Variants in CLEC4G observed in about 807,000 individuals in gnomAD.
CLEC4G encodes C-type lectin superfamily 4, member G.
Under a neutral mutation model 37.0 loss-of-function variants are expected in CLEC4G, and 34 were observed. The observed-to-expected ratio is 0.92, with a 90% CI of 0.70 to 1.22. The LOEUF is 1.22. Among genes scored for constraint, CLEC4G ranks in the 50% most tolerant of loss-of-function variants. The pLI is 0.00. For synonymous variants in CLEC4G, 167 were observed against 165.6 expected (o/e 1.01, Z -0.06); for missense variants, 390 against 392.9 (o/e 0.99, Z 0.06).
rs1201820357 is a variant in CLEC4G, at chr19:7,730,567, G to A, written c.389-127C>T. ...CGGTGCCAGCGTCCAGGATGGCACA[G>A]GGTCAAGGGCGGTTACAACTGGGCA... On this transcript the variant is annotated intron_variant, in intron 5 of 8. Coordinates refer to ENST00000328853, the MANE Select transcript of CLEC4G (RefSeq NM_198492.4). The surrounding 1 kb of genome is among the most constrained non-coding windows in gnomAD (Gnocchi z 7.3). 4.1e-6 allele frequency: 6 copies of A among 1,467,922 alleles called. No homozygotes were observed. Among genetic ancestry groups the A allele is most frequent in the Admixed American group, 2.4e-5 (1 of 41,364 alleles). 90.9% of individuals were successfully genotyped at this position (1,467,922 alleles called of 1,614,324 possible). A position where few individuals can be genotyped will look rare whatever the true frequency, so the allele number is the denominator to read the frequency against.
chr19:7,731,800 C>G (rs1437877954), intron 1 of CLEC4G, 29 bp from the exon 2 acceptor site: 1 of 1,601,304 alleles, frequency 6.2e-7, no homozygotes, highest in African/African-American at 1.3e-5. Flanking sequence ...CATGCTGGGT[C>G]CCCCAGAACT....
chr19:7,731,666 G>A lies in CLEC4G; in HGVS notation c.161C>T (p.Ser54Phe), dbSNP rs530697988. 17 of 1,614,004 alleles carry A rather than the reference G, an allele frequency of 1.1e-5. No individual in the cohort carries two copies. The highest frequency in any genetic ancestry group is 9.3e-5 in the African/African-American group (7 of 75,042). Residue 54 changes from serine to phenylalanine, a missense_variant, in exon 2 of 9, where the codon TCC becomes TTC. Physicochemically the swap from Ser to Phe is radical, Grantham distance 155. Transcript: ENST00000328853. Reference sequence around the variant, plus strand: ...CCCCATTGAGAGTCACTCACCCTTGGACAATAGGATACTCAGAATCACAGC... The same window carrying A: ...CCCCATTGAGAGTCACTCACCCTTGAACAATAGGATACTCAGAATCACAGC... ...LWAVILSILL[S>F]KASTERAALL...
In CLEC4G at chr19:7,732,082, G is replaced by C. The variant is rs764568278; in HGVS notation, c.21C>G (p.Ser7Arg). 1.9e-6 allele frequency: 3 copies of C among 1,609,694 alleles called. No individual in the cohort carries two copies. In the African/African-American group the frequency reaches 4.0e-5, roughly 22 times the overall value. MDTTRYSKWGGSSEEVP... is the reference protein window; with the variant it reads MDTTRYRKWGGSSEEVP... ...CCTCCTCGGAGCTGCCGCCCCACTT[G>C]CTGTACCTGGTGGTGTCCATGGCGA... Residue 7 changes from serine to arginine, a missense_variant, in exon 1 of 9, where the codon AGC (serine) becomes AGG (arginine). By Grantham distance (110) the Ser-to-Arg change is moderately radical (BLOSUM62 -1). Coordinates refer to ENST00000328853, the MANE Select transcript of CLEC4G (RefSeq NM_198492.4).
rs768629318 is a variant in CLEC4G, at chr19:7,730,328, C to T, written c.478+23G>A. ...GTCCGCTTACGCCCTCACAGCCCGC[C>T]CCCGACCCCCCGTCTCGCTCACTGT... On this transcript the variant is annotated intron_variant, in intron 6 of 8. Transcript: ENST00000328853. This position sits in a 1 kb window ranked among gnomAD's most constrained non-coding sequence, Gnocchi z 7.3. The T allele has an allele frequency of 9.4e-6, 14 of 1,492,438 alleles. No individual in the cohort carries two copies. The highest frequency in any genetic ancestry group is 1.2e-5 in the Non-Finnish European group (13 of 1,082,686). The allele number at this position is 1,492,438 out of a possible 1,614,324, so 92.4% of individuals were successfully genotyped here.
rs201565576 is a variant in CLEC4G, at chr19:7,729,520, G to A, written c.744-16C>T. 3.8e-6 allele frequency: 6 copies of A among 1,573,868 alleles called. No homozygotes were observed. Among genetic ancestry groups the A allele is most frequent in the Non-Finnish European group, 5.2e-6 (6 of 1,153,750 alleles). On this transcript the variant is annotated splice_polypyrimidine_tract_variant and intron_variant, in intron 8 of 8. Transcript: ENST00000328853. ...GTTCCAGTGGCTACAGGGGGGTTGAGTGGGGGTGTTGCTGGGAATCTAGAC... is the reference window on the plus strand; with the variant it reads ...GTTCCAGTGGCTACAGGGGGGTTGAATGGGGGTGTTGCTGGGAATCTAGAC...
In CLEC4G at chr19:7,729,898, C is replaced by A; in HGVS notation, c.666G>T (p.Trp222Cys). The change falls in exon 8 of 9, where the codon TGG becomes TGT. Residue 222 changes from tryptophan (W) to cysteine (C), a missense_variant. Physicochemically the swap from Trp to Cys is radical, Grantham distance 215. Coordinates refer to ENST00000328853, the MANE Select transcript of CLEC4G (RefSeq NM_198492.4). The part of the protein sequence containing the change: ...LTRNTRGRGY[W>C]LGLRAVRHLG... The stretch of plus-strand genomic sequence containing the variant: ...GATGGCGCACAGCCCTCAGGCCCAG[C>A]CAGTAACCACGGCCACGCGTGTTCC... 6.2e-7 allele frequency: 1 copy of A among 1,614,180 alleles called. No individual in the cohort carries two copies. The highest frequency in any genetic ancestry group is 8.5e-7 in the Non-Finnish European group (1 of 1,180,038).
chr19:7,731,826 G>C lies in CLEC4G; in HGVS notation c.56-55C>G, dbSNP rs1007256843. ...CCCCAGAACTGAGCCCTGGAGGCCT[G>C]AGTTACTCCCAGGAAACTGAGATTC... On this transcript the variant is annotated intron_variant, in intron 1 of 8. Coordinates refer to ENST00000328853, the MANE Select transcript of CLEC4G (RefSeq NM_198492.4). 8 of 1,573,932 alleles carry C rather than the reference G, an allele frequency of 5.1e-6. No individual in the cohort carries two copies. The African/African-American group carries it at 9.5e-5, about 19-fold the overall frequency.
rs35923627 is a variant in CLEC4G at position 7,729,101 on chromosome 19, CG to C, written c.*264del. On this transcript the variant is annotated 3_prime_UTR_variant, in exon 9 of 9. Transcript: ENST00000328853. ...TAGGGAGAGAAGTGGAGGCATATCA[CG>C]GGGACGCAGGAGCAGGGATTTTGGA... 3.3e-6 allele frequency: 2 copies of C among 598,546 alleles called. No homozygotes were observed. The highest frequency in any genetic ancestry group is 6.3e-6 in the Non-Finnish European group (2 of 316,856). 37.1% of individuals were successfully genotyped at this position (598,546 alleles called of 1,614,324 possible).
At chr19:7,729,695 G>C (rs747847527) in intron 8 of CLEC4G, 126 bp downstream of exon 8, 34 of 1,482,470 alleles carry the variant, frequency 2.3e-5, no homozygotes, top group Non-Finnish European at 2.9e-5. Context: ...ACAGTTCCTG[G>C]GGTCCAGCCT....
chr19:7,729,094 C>T lies in CLEC4G; in HGVS notation c.*272G>A, dbSNP rs1224589362. Reference sequence around the variant, plus strand: ...CCTTGGTTAGGGAGAGAAGTGGAGGCATATCACGGGGACGCAGGAGCAGGG... The same window carrying T: ...CCTTGGTTAGGGAGAGAAGTGGAGGTATATCACGGGGACGCAGGAGCAGGG... On this transcript the variant is annotated 3_prime_UTR_variant, in exon 9 of 9. Coordinates refer to ENST00000328853, the MANE Select transcript of CLEC4G (RefSeq NM_198492.4). 7 of 581,732 alleles carry T rather than the reference C, an allele frequency of 1.2e-5. No homozygotes were observed. The highest frequency in any genetic ancestry group is 4.4e-5 in the Admixed American group (2 of 44,998). 36.0% of individuals were successfully genotyped at this position (581,732 alleles called of 1,614,324 possible).
At position 7,730,662 on chromosome 19, in the gene CLEC4G, TGCATGATCGGGGTCGGGGGTCAGCAC is replaced by T; in HGVS notation, c.388+67_388+92del. 1 of 1,459,888 alleles carries T rather than the reference TGCATGATCGGGGTCGGGGGTCAGCAC, an allele frequency of 6.8e-7. No homozygotes were observed. The highest frequency in any genetic ancestry group is 9.0e-7 in the Non-Finnish European group (1 of 1,109,668). The allele number at this position is 1,459,888 out of a possible 1,614,324, so 90.4% of individuals were successfully genotyped here. On this transcript the variant is annotated intron_variant, in intron 5 of 8. Coordinates refer to ENST00000328853, the MANE Select transcript of CLEC4G (RefSeq NM_198492.4). The surrounding 1 kb of genome is among the most constrained non-coding windows in gnomAD (Gnocchi z 7.3). ...GTGCAGCGTCAGGGTCAGGACGGGG[TGCATGATCGGGGTCGGGGGTCAGCAC>T]TCAGGACGGGGTCGGGGTCGGGGGA... is the stretch of plus-strand genomic sequence containing the variant.
rs764486563 is a variant in CLEC4G at position 7,730,345 on chromosome 19, G to C, written c.478+6C>G. On this transcript the variant is annotated splice_donor_region_variant and intron_variant, in intron 6 of 8. Transcript: ENST00000328853. This position sits in a 1 kb window ranked among gnomAD's most constrained non-coding sequence, Gnocchi z 7.3. ...CAGCCCGCCCCCGACCCCCCGTCTC[G>C]CTCACTGTTCTGGAGCCTCACGGCC... The C allele has an allele frequency of 6.3e-7, 1 of 1,597,202 alleles. No homozygotes were observed. Among genetic ancestry groups the C allele is most frequent in the Admixed American group, 1.7e-5 (1 of 58,654 alleles).
Position 7,730,109 on chromosome 19 carries a change from G to A in CLEC4G, c.537C>T (p.Phe179=). ...CCGCCCACGTCGTCTTTGGCACAGA[G>A]AAAAAGTAGCAGGAGCCCTCGAAGG... ...WLSFEGSCYF[F]SVPKTTWAAA... is the part of the protein sequence containing the mutation. The change falls in exon 7 of 9, where the codon TTC becomes TTT. Residue 179 remains phenylalanine (F), a synonymous_variant. Coordinates refer to ENST00000328853, the MANE Select transcript of CLEC4G (RefSeq NM_198492.4). The surrounding 1 kb of genome is among the most constrained non-coding windows in gnomAD (Gnocchi z 7.3). The A allele has an allele frequency of 6.2e-7, 1 of 1,612,320 alleles. No individual in the cohort carries two copies. Among genetic ancestry groups the A allele is most frequent in the South Asian group, 1.1e-5 (1 of 90,924 alleles).
Position 7,730,832 on chromosome 19 carries a change from G to C in CLEC4G, c.311C>G (p.Thr104Ser), listed in dbSNP as rs763419088. 19 of 1,531,278 alleles carry C rather than the reference G, an allele frequency of 1.2e-5. No individual in the cohort carries two copies. The South Asian group carries it at 2.3e-4, about 18-fold the overall frequency. 94.9% of individuals were successfully genotyped at this position (1,531,278 alleles called of 1,614,324 possible). Residue 104 changes from threonine (T) to serine (S), a missense_variant, in exon 5 of 9, where the codon ACC becomes AGC. Transcript: ENST00000328853. This position sits in a 1 kb window ranked among gnomAD's most constrained non-coding sequence, Gnocchi z 7.3. Reference sequence around the variant, plus strand: ...CGCCTCCCCAAGCTCCGCGCGCGTGGTCTGCAGCTGCGCCTGCGTCCCCGA... The same window carrying C: ...CGCCTCCCCAAGCTCCGCGCGCGTGCTCTGCAGCTGCGCCTGCGTCCCCGA... The part of the protein sequence containing the change: ...CCSGTQAQLQ[T>S]TRAELGEAQA...
chr19:7,730,931 C>A lies in CLEC4G; in HGVS notation c.284-72G>T. The A allele has an allele frequency of 6.8e-7, 1 of 1,474,680 alleles. No individual in the cohort carries two copies. The highest frequency in any genetic ancestry group is 1.3e-5 in the South Asian group (1 of 77,184). 91.3% of individuals were successfully genotyped at this position (1,474,680 alleles called of 1,614,324 possible). On this transcript the variant is annotated intron_variant, in intron 4 of 8. Transcript: ENST00000328853. The surrounding 1 kb of genome is among the most constrained non-coding windows in gnomAD (Gnocchi z 7.3). ...GGACTTCGGAGACCAGCCCCCGCCC[C>A]GCACCACCCGCCGCAGGCCTCCGCC...
intron 2 of CLEC4G, 50 bp downstream of exon 2, chr19:7,731,611 C>G (rs11260026): frequency 0.96 from 1,528,941 of 1,595,070 alleles, 734,722 homozygotes; most frequent in Non-Finnish European, 0.98. Flanking sequence ...TGGGGGTTTT[C>G]TGTCCCCAGG....
In CLEC4G at chr19:7,729,413, C is replaced by T. The variant is rs763363638; in HGVS notation, c.835G>A (p.Asp279Asn). 1 of 1,608,444 alleles carries T rather than the reference C, an allele frequency of 6.2e-7. No individual in the cohort carries two copies. The highest frequency in any genetic ancestry group is 1.1e-5 in the South Asian group (1 of 90,968). ...HTGLWNDAPC[D>N]SEKDGWICEK... is the part of the protein sequence containing the mutation. ...CAGATCCAGCCGTCCTTCTCGCTGT[C>T]ACACGGTGCGTCGTTCCACAGCCCC... The change falls in exon 9 of 9, where the codon GAC (aspartate) becomes AAC (asparagine). Residue 279 changes from aspartate to asparagine, a missense_variant. Transcript: ENST00000328853.
In CLEC4G at chr19:7,730,812, C is replaced by T. The variant is rs1343872756; in HGVS notation, c.331G>A (p.Glu111Lys). Residue 111 changes from glutamate (E) to lysine (K), a missense_variant, in exon 5 of 9, where the codon GAG becomes AAG. Transcript: ENST00000328853. The surrounding 1 kb of genome is among the most constrained non-coding windows in gnomAD (Gnocchi z 7.3). ...TGCTCCATCAGCTTCGCCTGCGCCT[C>T]CCCAAGCTCCGCGCGCGTGGTCTGC... Reference protein sequence around the residue: ...QLQTTRAELGEAQAKLMEQES... With the variant: ...QLQTTRAELGKAQAKLMEQES... The T allele has an allele frequency of 4.6e-6, 7 of 1,532,658 alleles. No homozygotes were observed. The highest frequency in any genetic ancestry group is 2.3e-4 in the Middle Eastern group (1 of 4,352). The allele number at this position is 1,532,658 out of a possible 1,614,324, so 94.9% of individuals were successfully genotyped here.
rs544157494 is a variant in CLEC4G, at chr19:7,731,523, C to T, written c.166+138G>A. ...CCATGTGCACACGCGTGAGTGCACA[C>T]GGCCCAAAGATGTACACACACTCTG... On this transcript the variant is annotated intron_variant, in intron 2 of 8. Transcript: ENST00000328853. 4.1e-6 allele frequency: 6 copies of T among 1,450,366 alleles called. No homozygotes were observed. In the East Asian group the frequency reaches 7.5e-5, roughly 18 times the overall value. The allele number at this position is 1,450,366 out of a possible 1,614,324, so 89.8% of individuals were successfully genotyped here.
Sources: gnomAD v4.1 joint callset for allele counts on GRCh38, gnomAD v4.1.1 for gene constraint, Gnocchi (gnomAD v3.1) non-coding constraint, MANE v1.5 for transcripts, NCBI Gene and HGNC (gene_info 2026-07-23, HGNC 2026-07-21) for gene names.